Variants in RBFOX1 observed in about 807,000 individuals in gnomAD.
The protein encoded by RBFOX1 is RNA binding protein fox-1 homolog 1.
Under a neutral mutation model 57.7 loss-of-function variants are expected in RBFOX1, and 8 were observed. That is an observed-to-expected ratio of 0.14 (90% CI 0.08 to 0.25). The LOEUF (loss-of-function observed/expected upper bound fraction) is 0.25, where lower values mean the gene tolerates loss of function less well. RBFOX1 is among the 10% of genes least tolerant of loss of function. The probability of loss-of-function intolerance (pLI) is 1.00; values close to 1 mark genes in which losing one functional copy is unlikely to be tolerated. For missense variants in RBFOX1, 611 were observed against 548.5 expected (o/e 1.11, Z -1.14); for synonymous variants, 326 against 222.4 (o/e 1.47, Z -4.15).
chr16:5,720,574 C>T (rs558270043), intron 3 of RBFOX1, among the ~76,000 whole-genome samples: 2 of 152,154 alleles, frequency 1.3e-5, no homozygotes, highest in Admixed American at 6.5e-5. Flanking sequence ...TTAGCTCTTC[C>T]GTTTAGGTCT....
intron 3 of RBFOX1, among the ~76,000 whole-genome samples, chr16:5,721,786 C>A (rs866185308): frequency 1.2e-4 from 18 of 152,318 alleles, no homozygotes; most frequent in African/African-American, 3.4e-4. Flanking sequence ...ATTCTCTAAC[C>A]TGTCACAACC....
chr16:7,111,259 A>G (rs951531393), intron 4 of RBFOX1, among the ~76,000 whole-genome samples: 17 of 151,808 alleles, frequency 1.1e-4, no homozygotes, highest in African/African-American at 3.9e-4. Flanking sequence ...TTACACCGTA[A>G]AAGTGAAAGT....
intron 3 of RBFOX1, among the ~76,000 whole-genome samples, chr16:6,776,826 C>G (rs1456413278): frequency 6.6e-6 from 1 of 152,026 alleles, no homozygotes; most frequent in East Asian, 1.9e-4. Flanking sequence ...AACAGAAATG[C>G]TTTGCTGTTT....
chr16:6,822,873 G>A (rs2091540058), intron 3 of RBFOX1, among the ~76,000 whole-genome samples: 1 of 152,176 alleles, frequency 6.6e-6, no homozygotes, highest in African/African-American at 2.4e-5. Flanking sequence ...CTGGAACAGT[G>A]ATTCACATAA....
chr16:5,720,511 C>A (rs187328441), intron 3 of RBFOX1, among the ~76,000 whole-genome samples: 1 of 152,208 alleles, frequency 6.6e-6, no homozygotes, highest in African/African-American at 2.4e-5. Context: ...AAGGCTTTAC[C>A]TAAGCCAAGG....
At chr16:7,050,417 C>A (rs2049635404) in intron 3 of RBFOX1, among the ~76,000 whole-genome samples, 1 of 152,002 alleles carries the variant, frequency 6.6e-6, no homozygotes, top group African/African-American at 2.4e-5. Flanking sequence ...AGATGCCCAC[C>A]ACCATGCCCA....
chr16:7,161,762 A>G (rs2152387875), intron 4 of RBFOX1, among the ~76,000 whole-genome samples: 1 of 152,324 alleles, frequency 6.6e-6, no homozygotes. Context: ...TTGCAAGAAT[A>G]CAAACCAACA....
At chr16:6,104,296 C>G (rs1165607753) in intron 1 of RBFOX1, among the ~76,000 whole-genome samples, 1 of 152,110 alleles carries the variant, frequency 6.6e-6, no homozygotes, top group Non-Finnish European at 1.5e-5. Context: ...GAATATCCTT[C>G]ATCAGTACTC....
At chr16:6,864,650 G>C (rs978484288) in intron 3 of RBFOX1, among the ~76,000 whole-genome samples, 1 of 148,606 alleles carries the variant, frequency 6.7e-6, no homozygotes, top group Non-Finnish European at 1.5e-5. Context: ...TGTTTTATTT[G>C]TTCTTGATGG....
At chr16:5,546,196 G>A (rs565535758) in intron 2 of RBFOX1, among the ~76,000 whole-genome samples, 1 of 152,208 alleles carries the variant, frequency 6.6e-6, no homozygotes, top group South Asian at 2.1e-4. Context: ...ATGGAGAGAC[G>A]ATTACAAGTC....
intron 2 of RBFOX1, among the ~76,000 whole-genome samples, chr16:6,501,838 G>A (rs1280847252): frequency 6.6e-6 from 1 of 150,702 alleles, no homozygotes; most frequent in South Asian, 2.1e-4. Flanking sequence ...ATTCTTCTTG[G>A]TTTTCACACC....
intron 3 of RBFOX1, among the ~76,000 whole-genome samples, chr16:6,792,025 A>G (rs564780744): frequency 1.2e-4 from 18 of 152,306 alleles, no homozygotes; most frequent in African/African-American, 4.1e-4. Flanking sequence ...TACTTGAAAA[A>G]TGAAAGATTT....
intron 1 of RBFOX1, among the ~76,000 whole-genome samples, chr16:6,254,740 T>C (rs1451535665): frequency 6.6e-6 from 1 of 152,142 alleles, no homozygotes; most frequent in Non-Finnish European, 1.5e-5. Flanking sequence ...TCTTTTAAAA[T>C]TAACATAAAT....
chr16:5,241,197 G>A (rs1327834934), intron 1 of RBFOX1, among the ~76,000 whole-genome samples: 1 of 152,148 alleles, frequency 6.6e-6, no homozygotes, highest in Non-Finnish European at 1.5e-5. Flanking sequence ...CGGATGCTGT[G>A]TGGGAGGCTT....
At chr16:7,100,358 A>G (rs1232954738) in intron 4 of RBFOX1, among the ~76,000 whole-genome samples, 1 of 152,080 alleles carries the variant, frequency 6.6e-6, no homozygotes, top group Admixed American at 6.6e-5. Flanking sequence ...TATGAAGTAG[A>G]ATCTGACTCC....
At chr16:7,349,786 C>G (rs942750365) in intron 4 of RBFOX1, among the ~76,000 whole-genome samples, 2 of 151,986 alleles carry the variant, frequency 1.3e-5, no homozygotes, top group African/African-American at 4.8e-5. Flanking sequence ...ATCCTATTAA[C>G]AGGAAAAAAT....
chr16:6,618,046 C>G (rs940675864), intron 2 of RBFOX1, among the ~76,000 whole-genome samples: 1 of 152,172 alleles, frequency 6.6e-6, no homozygotes, highest in African/African-American at 2.4e-5. Flanking sequence ...AGACTTTGCT[C>G]AAATGCAGCA....
intron 3 of RBFOX1, among the ~76,000 whole-genome samples, chr16:6,976,942 A>C (rs2087083542): frequency 1.4e-5 from 2 of 147,030 alleles, no homozygotes; most frequent in African/African-American, 4.9e-5. Context: ...TATATCATAT[A>C]CTATATATCA....
At chr16:5,660,905 T>C (rs2049624871) in intron 3 of RBFOX1, among the ~76,000 whole-genome samples, 1 of 152,128 alleles carries the variant, frequency 6.6e-6, no homozygotes, top group African/African-American at 2.4e-5. Context: ...AAATTGAGGA[T>C]GAATTGCCTC....
Sources: allele counts gnomAD v4.1 joint callset (sites outside exome capture counted in the v4.1 genomes callset), GRCh38; gene constraint gnomAD v4.1.1; transcripts MANE v1.5; gene names NCBI Gene and HGNC (gene_info 2026-07-23, HGNC 2026-07-21).